Variants in ADAMTS20 observed in about 807,000 individuals in gnomAD.
ADAMTS20 encodes the protein A disintegrin and metalloproteinase with thrombospondin motifs 20.
A neutral mutation model predicts 260.1 loss-of-function variants in ADAMTS20; 225 were observed. That is an observed-to-expected ratio of 0.87 (90% CI 0.78 to 0.97). ADAMTS20 has a LOEUF of 0.97. Ranked by LOEUF, ADAMTS20 falls within the 50% of genes least tolerant of loss-of-function variation. ADAMTS20 has a pLI of 0.00. For synonymous variants in ADAMTS20, 802 were observed against 769.5 expected, an observed-to-expected ratio of 1.04 and a Z score of -0.70; for missense variants, 2,400 against 2,337.7, an observed-to-expected ratio of 1.03 and a Z score of -0.55.
chr12:43,470,270 C>A (rs910422983), intron 7 of ADAMTS20, among the ~76,000 whole-genome samples: 2 of 152,192 alleles, frequency 1.3e-5, no homozygotes, highest in Admixed American at 1.3e-4. Flanking sequence ...TGCCAAATTA[C>A]ACAATTCCAA....
intron 4 of ADAMTS20, among the ~76,000 whole-genome samples, chr12:43,499,551 C>T (rs980591521): frequency 6.7e-6 from 1 of 148,560 alleles, no homozygotes; most frequent in Non-Finnish European, 1.5e-5. Flanking sequence ...TGCAGTGGCA[C>T]GATCTCGGCT....
intron 28 of ADAMTS20, among the ~76,000 whole-genome samples, chr12:43,414,552 T>C (rs989649726): frequency 6.6e-6 from 1 of 152,036 alleles, no homozygotes; most frequent in African/African-American, 2.4e-5. Flanking sequence ...AAGACTTCCA[T>C]AGGTGCTTCA....
At chr12:43,383,754 AAC>A in intron 30 of ADAMTS20, 26 bp from the exon 31 acceptor site, 2 of 1,613,672 alleles carry the variant, frequency 1.2e-6, no homozygotes, top group East Asian at 2.2e-5. Context: ...CCAAATGAAT[AAC>A]ACATTCTTAT....
rs185545782 is a variant in ADAMTS20, at chr12:43,466,472, T to C, written c.1367+180A>G. ...AAGAGTGAAATTATATACATGTATA[T>C]ATATATATATGTACACATGAACACA... On this transcript the variant is annotated intron_variant, in intron 9 of 38. Transcript: ENST00000389420. 7.8e-4 allele frequency among the ~76,000 whole-genome samples: 119 copies of C among 151,848 alleles called. 2 individuals are homozygous for C. Among genetic ancestry groups the C allele is most frequent in the African/African-American group, 2.7e-3 (112 of 41,444 alleles).
intron 5 of ADAMTS20, 43 bp from the exon 6 acceptor site, chr12:43,492,672 G>C (rs778285414): frequency 6.9e-6 from 11 of 1,602,554 alleles, no homozygotes; most frequent in Non-Finnish European, 9.4e-6. Context: ...AAATATTAAC[G>C]TCCTCTTTTC....
intron 29 of ADAMTS20, among the ~76,000 whole-genome samples, chr12:43,398,172 T>A (rs1416614212): frequency 6.6e-6 from 1 of 152,202 alleles, no homozygotes. Flanking sequence ...GATGGCTACA[T>A]TGAAAGTCTA....
chr12:43,518,852 TCTCTTA>T (rs1163582050), intron 3 of ADAMTS20, among the ~76,000 whole-genome samples: 1 of 148,974 alleles, frequency 6.7e-6, no homozygotes, highest in African/African-American at 2.5e-5. Flanking sequence ...ATCTGACAAC[TCTCTTA>T]CTCTCAGCCC....
chr12:43,367,292 C>G (rs1940008170), intron 37 of ADAMTS20, among the ~76,000 whole-genome samples: 1 of 151,824 alleles, frequency 6.6e-6, no homozygotes, highest in Admixed American at 6.6e-5. Flanking sequence ...GAAATATTCT[C>G]AAAAAATAGT....
chr12:43,428,393 G>A lies in ADAMTS20; in HGVS notation c.3793C>T (p.Pro1265Ser), dbSNP rs1240376121. Residue 1265 changes from proline (P) to serine (S), a missense_variant, in exon 26 of 39, where the codon CCT becomes TCT. Physicochemically the swap from Pro to Ser is moderately conservative, Grantham distance 74. Coordinates refer to ENST00000389420, the MANE Select transcript of ADAMTS20 (RefSeq NM_025003.5). ...EQECSLAACP[P>S]AHSHFPSSPV... Reference sequence around the variant, plus strand: ...GAACTAGGAAAGTGGCTGTGTGCAGGAGGGCAGGCTGCCAGGCTACATTCC... The same window carrying A: ...GAACTAGGAAAGTGGCTGTGTGCAGAAGGGCAGGCTGCCAGGCTACATTCC... The A allele has an allele frequency of 5.6e-6, 9 of 1,613,712 alleles. No homozygotes were observed. Among genetic ancestry groups the A allele is most frequent in the East Asian group, 2.2e-5 (1 of 44,878 alleles).
chr12:43,375,318 T>G, intron 36 of ADAMTS20, 61 bp downstream of exon 36: 1 of 1,551,636 alleles, frequency 6.4e-7, no homozygotes, highest in Non-Finnish European at 8.7e-7. Context: ...ACCAACATAT[T>G]GTTTGACGTT....
intron 28 of ADAMTS20, among the ~76,000 whole-genome samples, chr12:43,406,382 CAT>C (rs746757454): frequency 6.3e-4 from 96 of 152,132 alleles, no homozygotes; most frequent in Admixed American, 2.2e-3. Flanking sequence ...TAATAAAAAA[CAT>C]ATTATAGCTA....
At chr12:43,466,241 T>C (rs1471035376) in intron 9 of ADAMTS20, among the ~76,000 whole-genome samples, 1 of 152,008 alleles carries the variant, frequency 6.6e-6, no homozygotes, top group African/African-American at 2.4e-5. Context: ...ACTTTAGCTA[T>C]TCTCTGTCCT....
chr12:43,401,044 A>G (rs566187694), intron 28 of ADAMTS20, among the ~76,000 whole-genome samples: 4 of 151,640 alleles, frequency 2.6e-5, no homozygotes, highest in African/African-American at 9.7e-5. Context: ...ATTGCACTCA[A>G]TGAAGATCAG....
chr12:43,461,222 C>A lies in ADAMTS20; in HGVS notation c.1614+1673G>T, dbSNP rs1226236075. Among the ~76,000 whole-genome samples the A allele has an allele frequency of 5.3e-5, 8 of 151,338 alleles. No homozygotes were observed. In the South Asian group the frequency reaches 1.7e-3, roughly 32 times the overall value. Reference sequence around the variant, plus strand: ...GCCCGGCTGGTCTTGAACTCTTGATCTCAGGTGATCCGCCTGCCTCGGTCT... The same window carrying A: ...GCCCGGCTGGTCTTGAACTCTTGATATCAGGTGATCCGCCTGCCTCGGTCT... On this transcript the variant is annotated intron_variant, in intron 11 of 38. Coordinates refer to ENST00000389420, the MANE Select transcript of ADAMTS20 (RefSeq NM_025003.5).
intron 3 of ADAMTS20, among the ~76,000 whole-genome samples, chr12:43,517,377 C>T (rs887151660): frequency 6.6e-6 from 1 of 152,044 alleles, no homozygotes; most frequent in African/African-American, 2.4e-5. Flanking sequence ...TTTTAAAATG[C>T]TTGCATTTTT....
chr12:43,386,398 C>G (rs1481922500), intron 29 of ADAMTS20, among the ~76,000 whole-genome samples: 1 of 152,188 alleles, frequency 6.6e-6, no homozygotes, highest in Non-Finnish European at 1.5e-5. Context: ...CCAGACCATT[C>G]TCTCTGGCTG....
Position 43,383,943 on chromosome 12 carries a change from C to T in ADAMTS20, c.4487G>A (p.Arg1496Lys), listed in dbSNP as rs1007307856. 6.2e-7 allele frequency: 1 copy of T among 1,613,864 alleles called. No individual in the cohort carries two copies. Among genetic ancestry groups the T allele is most frequent in the Non-Finnish European group, 8.5e-7 (1 of 1,179,810 alleles). The stretch of plus-strand genomic sequence containing the variant: ...ACCTTTCAGTCTGCAGTATACATCC[C>T]TCTGCTGAACTCCAGAGCCACAGGT... ...SVTCGSGVQQ[R>K]DVYCRLKGVG... The change falls in exon 30 of 39, where the codon AGG (arginine) becomes AAG (lysine). Residue 1496 changes from arginine (R) to lysine (K), a missense_variant. Arg to Lys is a conservative substitution (Grantham distance 26). Coordinates refer to ENST00000389420, the MANE Select transcript of ADAMTS20 (RefSeq NM_025003.5).
chr12:43,538,073 A>T (rs1490213061), intron 2 of ADAMTS20, among the ~76,000 whole-genome samples: 2 of 152,162 alleles, frequency 1.3e-5, no homozygotes, highest in Non-Finnish European at 2.9e-5. Flanking sequence ...CTCTACTTTT[A>T]GTTTTCTGAG....
chr12:43,489,156 G>A (rs1412426616), intron 7 of ADAMTS20, among the ~76,000 whole-genome samples: 5 of 148,266 alleles, frequency 3.4e-5, no homozygotes, highest in African/African-American at 1.3e-4. Context: ...AATGTTAAAG[G>A]ACAAATTTTA....
Sources: gnomAD v4.1 joint callset for allele counts (sites outside exome capture counted in the v4.1 genomes callset) on GRCh38, gnomAD v4.1.1 for gene constraint, MANE v1.5 for transcripts, NCBI Gene and HGNC (gene_info 2026-07-23, HGNC 2026-07-21) for gene names.